Variants in ZC3H12B observed in about 807,000 individuals in gnomAD.
ZC3H12B encodes zinc finger CCCH-type containing 12B, also known as probable ribonuclease ZC3H12B.
A neutral mutation model predicts 43.9 loss-of-function variants in ZC3H12B; 7 were observed. That is an observed-to-expected ratio of 0.16 (90% CI 0.09 to 0.30). ZC3H12B has a LOEUF of 0.30. ZC3H12B is among the 10% of genes least tolerant of loss of function. The pLI is 1.00. For missense variants in ZC3H12B, 475 were observed against 670.2 expected (o/e 0.71, Z 3.22); for synonymous variants, 222 against 241.7 (o/e 0.92, Z 0.76).
At chrX:65,114,326 T>C in the ZC3H12B span, among the ~76,000 whole-genome samples, 1 of 109,737 alleles carries the variant, frequency 9.1e-6, no homozygotes, top group African/African-American at 3.3e-5. Context: ...CAATTGGTTA[T>C]AATTCTTTTA....
At chrX:65,175,882 T>A in the ZC3H12B span, among the ~76,000 whole-genome samples, 1 of 112,278 alleles carries the variant, frequency 8.9e-6, no homozygotes, top group Non-Finnish European at 1.9e-5. Context: ...TTACCCACAG[T>A]CTTTGTAACC....
the ZC3H12B span, among the ~76,000 whole-genome samples, chrX:65,311,672 C>T: frequency 9.0e-6 from 1 of 111,721 alleles, no homozygotes; most frequent in Non-Finnish European, 1.9e-5. Context: ...ATAAATCATG[C>T]TACTATAAAG....
At chrX:65,321,953 C>A in the ZC3H12B span, among the ~76,000 whole-genome samples, 2 of 110,817 alleles carry the variant, frequency 1.8e-5, no homozygotes, top group African/African-American at 3.3e-5. Flanking sequence ...ATGTTTAATA[C>A]CTGGGTGATT....
chrX:65,048,398 A>T, the ZC3H12B span, among the ~76,000 whole-genome samples: 1 of 111,375 alleles, frequency 9.0e-6, no homozygotes, highest in Admixed American at 9.6e-5. Flanking sequence ...TCTCTTCTAG[A>T]TACTGTTTTC....
At chrX:65,129,232 A>G in the ZC3H12B span, among the ~76,000 whole-genome samples, 2 of 92,553 alleles carry the variant, frequency 2.2e-5, no homozygotes, top group Non-Finnish European at 3.9e-5. Context: ...TAATGGCTCT[A>G]TTATATATGT....
chrX:65,307,002 G>T, the ZC3H12B span, among the ~76,000 whole-genome samples: 1 of 112,479 alleles, frequency 8.9e-6, no homozygotes. Flanking sequence ...AGATAAGTGG[G>T]TATGGTGAGA....
At chrX:65,190,774 A>G in the ZC3H12B span, among the ~76,000 whole-genome samples, 1 of 104,658 alleles carries the variant, frequency 9.6e-6, no homozygotes. Flanking sequence ...TCTTTTCCTA[A>G]TTGAATACCC....
chrX:65,189,444 C>T, the ZC3H12B span, among the ~76,000 whole-genome samples: 1 of 102,526 alleles, frequency 9.8e-6, no homozygotes, highest in Non-Finnish European at 2.0e-5. Flanking sequence ...TTCTCCACAT[C>T]CTCTCCAGCA....
At chrX:65,367,846 C>A (rs1057220452) in intron 1 of ZC3H12B, among the ~76,000 whole-genome samples, 1 of 111,100 alleles carries the variant, frequency 9.0e-6, no homozygotes, top group South Asian at 3.8e-4. Flanking sequence ...CAAGAAACAA[C>A]ACAAAACCCT....
At chrX:65,171,186 G>A in the ZC3H12B span, among the ~76,000 whole-genome samples, 2 of 110,847 alleles carry the variant, frequency 1.8e-5, no homozygotes, top group Non-Finnish European at 3.8e-5. Context: ...TCCACCTTTT[G>A]TCTTTGATGA....
the ZC3H12B span, among the ~76,000 whole-genome samples, chrX:65,228,499 C>T: frequency 3.6e-5 from 4 of 110,984 alleles, no homozygotes; most frequent in African/African-American, 1.3e-4. Flanking sequence ...TCTCTCACCA[C>T]TCCTATTCAA....
chrX:65,461,080 A>G (rs1355592572), intron 3 of ZC3H12B, among the ~76,000 whole-genome samples: 1 of 112,530 alleles, frequency 8.9e-6, no homozygotes, highest in East Asian at 2.8e-4. Flanking sequence ...GAAGACATTT[A>G]TGCAGCCAAA....
the ZC3H12B span, among the ~76,000 whole-genome samples, chrX:65,219,907 G>T: frequency 9.2e-6 from 1 of 108,777 alleles, no homozygotes; most frequent in Non-Finnish European, 1.9e-5. Flanking sequence ...ATAGTCATCA[G>T]CTTATCTAAA....
chrX:65,479,549 G>C (rs1301167074), intron 3 of ZC3H12B, among the ~76,000 whole-genome samples: 1 of 110,531 alleles, frequency 9.0e-6, no homozygotes, highest in African/African-American at 3.3e-5. Context: ...TGTATTTTTA[G>C]TAGAGAACGG....
At chrX:65,181,819 T>G in the ZC3H12B span, among the ~76,000 whole-genome samples, 1 of 112,083 alleles carries the variant, frequency 8.9e-6, no homozygotes, top group Non-Finnish European at 1.9e-5. Context: ...GTAAATTACT[T>G]CAACCATTGT....
the ZC3H12B span, among the ~76,000 whole-genome samples, chrX:65,172,641 A>C: frequency 8.9e-6 from 1 of 112,291 alleles, no homozygotes; most frequent in Non-Finnish European, 1.9e-5. Context: ...TTTTCTGCAT[A>C]TGGCTTGCCA....
chrX:65,289,740 G>C, the ZC3H12B span, among the ~76,000 whole-genome samples: 1 of 109,964 alleles, frequency 9.1e-6, no homozygotes, highest in Non-Finnish European at 1.9e-5. Context: ...TTAGGGAAAA[G>C]GACACTCTTC....
At chrX:65,339,823 C>A in the ZC3H12B span, among the ~76,000 whole-genome samples, 1 of 112,035 alleles carries the variant, frequency 8.9e-6, no homozygotes, top group South Asian at 3.7e-4. Flanking sequence ...CAAGCCCACC[C>A]ACTTCCTCTC....
intron 3 of ZC3H12B, among the ~76,000 whole-genome samples, chrX:65,475,814 A>G (rs1005553843): frequency 2.7e-5 from 3 of 111,924 alleles, no homozygotes; most frequent in Non-Finnish European, 3.8e-5. Context: ...CCTGAGACTT[A>G]TTCACTATCA....
Sources: gnomAD v4.1 joint callset for allele counts (sites outside exome capture counted in the v4.1 genomes callset) on GRCh38, gnomAD v4.1.1 for gene constraint, MANE v1.5 for transcripts, NCBI Gene and HGNC (gene_info 2026-07-23, HGNC 2026-07-21) for gene names.